KIAA1614: variants seen among roughly 807,000 people sequenced by gnomAD.
The protein encoded by KIAA1614 is KIAA1614, also known as uncharacterized protein KIAA1614.
A neutral mutation model predicts 88.7 loss-of-function variants in KIAA1614; 76 were observed. That is an observed-to-expected ratio of 0.86 (90% confidence interval 0.71 to 1.04). The LOEUF (loss-of-function observed/expected upper bound fraction) is 1.04, where lower values mean the gene tolerates loss of function less well. Ranked by LOEUF, KIAA1614 falls within the 50% of genes least tolerant of loss-of-function variation. KIAA1614 has a pLI of 0.00. For missense variants in KIAA1614, 1,553 were observed against 1,582.5 expected, an observed-to-expected ratio of 0.98 and a Z score of 0.32; for synonymous variants, 714 against 675.5, an observed-to-expected ratio of 1.06 and a Z score of -0.88.
At chr1:180,925,004 T>A (rs767557223) in intron 3 of KIAA1614, among the ~76,000 whole-genome samples, 1 of 152,128 alleles carries the variant, frequency 6.6e-6, no homozygotes, top group Admixed American at 6.6e-5. Flanking sequence ...TGAGCCCTTA[T>A]TTAGCAGATA....
At chr1:180,917,157 AG>A in intron 2 of KIAA1614, 57 bp downstream of exon 2, 1 of 1,414,454 alleles carries the variant, frequency 7.1e-7, no homozygotes, top group Non-Finnish European at 9.8e-7. Flanking sequence ...ATCCAGAGGG[AG>A]GAAAAGGGGA....
intron 4 of KIAA1614, among the ~76,000 whole-genome samples, chr1:180,934,281 G>GAAAAGA (rs1369750188): frequency 6.2e-5 from 9 of 145,274 alleles, no homozygotes; most frequent in Non-Finnish European, 1.1e-4. Context: ...GAAAAGAAAA[G>GAAAAGA]AAAAGAAAAA....
intron 4 of KIAA1614, among the ~76,000 whole-genome samples, chr1:180,929,273 T>C (rs1418066595): frequency 6.6e-6 from 1 of 152,196 alleles, no homozygotes; most frequent in Admixed American, 6.5e-5. Flanking sequence ...TGAGCTCTAA[T>C]GACTCCTTAT....
At chr1:180,920,833 C>T (rs1320717238) in intron 3 of KIAA1614, among the ~76,000 whole-genome samples, 1 of 152,126 alleles carries the variant, frequency 6.6e-6, no homozygotes, top group Non-Finnish European at 1.5e-5. Flanking sequence ...ACCCCCGGCC[C>T]CCAACCCCAG....
rs1466718176 is a variant in KIAA1614, at chr1:180,917,092, C to T, written c.989C>T (p.Ala330Val). The T allele has an allele frequency of 1.2e-6, 2 of 1,612,006 alleles. No homozygotes were observed. Among genetic ancestry groups the T allele is most frequent in the Non-Finnish European group, 8.5e-7 (1 of 1,179,142 alleles). ...TPAWTPSWDT[A>V]APERPVGDVD... ...GCCTGGACTCCATCCTGGGACACAG[C>T]TGCACCAGGTGAAGCTCACTGTGTA... Residue 330 changes from alanine to valine, a missense_variant, in exon 2 of 9, where the codon GCT becomes GTT. Transcript: ENST00000367588.
At position 180,928,454 on chromosome 1, in the gene KIAA1614, T is replaced by C. The variant is rs754308514; in HGVS notation, c.1086T>C (p.Pro362=). 3.1e-6 allele frequency: 5 copies of C among 1,613,032 alleles called. No homozygotes were observed. The highest frequency in any genetic ancestry group is 1.7e-4 in the Middle Eastern group (1 of 6,058). ...GGACCGTTGGTCCCAACCCGGAGCC[T>C]GTGCTGAGCCCCAGGCATGAGGAAG... ...QNRTVGPNPE[P]VLSPRHEEAT... Residue 362 remains proline (P), a synonymous_variant, in exon 4 of 9, where the codon CCT becomes CCC. Coordinates refer to ENST00000367588, the MANE Select transcript of KIAA1614 (RefSeq NM_020950.2).
chr1:180,920,699 G>C (rs1558064994), intron 3 of KIAA1614, among the ~76,000 whole-genome samples: 1 of 148,302 alleles, frequency 6.7e-6, no homozygotes, highest in Non-Finnish European at 1.5e-5. Flanking sequence ...CAACACAGCA[G>C]GCAGGCTGGG....
Position 180,917,059 on chromosome 1 carries a change from G to A in KIAA1614, c.956G>A (p.Gly319Glu), listed in dbSNP as rs575877296. 2.5e-6 allele frequency: 4 copies of A among 1,613,664 alleles called. No individual in the cohort carries two copies. The African/African-American group carries it at 5.3e-5, about 21-fold the overall frequency. Residue 319 changes from glycine (G) to glutamate (E), a missense_variant, in exon 2 of 9, where the codon GGA becomes GAA. Coordinates refer to ENST00000367588, the MANE Select transcript of KIAA1614 (RefSeq NM_020950.2). ...NVSGQSPRKV[G>E]TPAWTPSWDT... is the part of the protein sequence containing the mutation. ...TCTGGGCAGAGCCCCCGCAAGGTGG[G>A]AACCCCTGCCTGGACTCCATCCTGG...
rs1051068596 is a variant in KIAA1614 at position 180,948,246 on chromosome 1, C to G, written c.*2658C>G. The G allele has an allele frequency of 6.6e-6, 1 of 152,288 alleles. No individual in the cohort carries two copies. Among genetic ancestry groups the G allele is most frequent in the Non-Finnish European group, 1.5e-5 (1 of 68,074 alleles). 9.4% of individuals were successfully genotyped at this position (152,288 alleles called of 1,614,324 possible). On this transcript the variant is annotated 3_prime_UTR_variant, in exon 9 of 9. Transcript: ENST00000367588. Reference sequence around the variant, plus strand: ...CTCCAACAGCAGAGGGTCGCTTCTTCCAGGCTCCAAGGGGCTGTGAGGAGG... The same window carrying G: ...CTCCAACAGCAGAGGGTCGCTTCTTGCAGGCTCCAAGGGGCTGTGAGGAGG...
rs536254977 is a variant in KIAA1614, at chr1:180,913,682, T to G, written c.50+389T>G. On this transcript the variant is annotated intron_variant, in intron 1 of 8. Coordinates refer to ENST00000367588, the MANE Select transcript of KIAA1614 (RefSeq NM_020950.2). ...CTCTGTCGCCCAGGCTGGAGTGCAG[T>G]GGTGCGATCATGGCTCACTGCAACC... is the stretch of plus-strand genomic sequence containing the variant. 1.8e-3 allele frequency among the ~76,000 whole-genome samples: 278 copies of G among 152,276 alleles called. 1 individual carries two copies. The highest frequency in any genetic ancestry group is 6.5e-3 in the African/African-American group (271 of 41,558).
At position 180,945,793 on chromosome 1, in the gene KIAA1614, G is replaced by T; in HGVS notation, c.*205G>T. 7.4e-7 allele frequency: 1 copy of T among 1,344,956 alleles called. No individual in the cohort carries two copies. The highest frequency in any genetic ancestry group is 9.5e-7 in the Non-Finnish European group (1 of 1,057,370). 83.3% of individuals were successfully genotyped at this position (1,344,956 alleles called of 1,614,324 possible). On this transcript the variant is annotated 3_prime_UTR_variant, in exon 9 of 9. Coordinates refer to ENST00000367588, the MANE Select transcript of KIAA1614 (RefSeq NM_020950.2). ...GGTTTGACTCCACTGTCCCCCTGCTGTCTGATGACATCTTGAAATTAGAAG... is the reference window on the plus strand; with the variant it reads ...GGTTTGACTCCACTGTCCCCCTGCTTTCTGATGACATCTTGAAATTAGAAG...
At chr1:180,926,872 A>AGCGGG (rs1249371432) in intron 3 of KIAA1614, among the ~76,000 whole-genome samples, 1 of 152,216 alleles carries the variant, frequency 6.6e-6, no homozygotes, top group African/African-American at 2.4e-5. Flanking sequence ...TTCACGGGGC[A>AGCGGG]GCGGGCCTGG....
In KIAA1614 at chr1:180,919,437, G is replaced by A. The variant is rs145687705; in HGVS notation, c.1061+1523G>A. 5.1e-3 allele frequency among the ~76,000 whole-genome samples: 782 copies of A among 152,320 alleles called. 6 individuals carry two copies. The highest frequency in any genetic ancestry group is 8.1e-3 in the Non-Finnish European group (554 of 68,026). On this transcript the variant is annotated intron_variant, in intron 3 of 8. Coordinates refer to ENST00000367588, the MANE Select transcript of KIAA1614 (RefSeq NM_020950.2). ...ACAGAAAGGCCTGTGGGCCTCAGCC[G>A]GCTCTGCTCCCCTGTCTGCGCCCTG...
intron 3 of KIAA1614, among the ~76,000 whole-genome samples, chr1:180,925,441 C>T (rs932353600): frequency 1.3e-5 from 2 of 152,250 alleles, no homozygotes; most frequent in African/African-American, 4.8e-5. Flanking sequence ...TGGGAAGCGG[C>T]AGATCCCTCT....
At position 180,928,533 on chromosome 1, in the gene KIAA1614, G is replaced by A; in HGVS notation, c.1165G>A (p.Ala389Thr). Residue 389 changes from alanine to threonine, a missense_variant, in exon 4 of 9, where the codon GCC (alanine) becomes ACC (threonine). By Grantham distance (58) the Ala-to-Thr change is moderately conservative. Coordinates refer to ENST00000367588, the MANE Select transcript of KIAA1614 (RefSeq NM_020950.2). Reference sequence around the variant, plus strand: ...GAAGGCCAGGACCCGGCCCCTCCGTGCCAGCCATGACATCGTGCCCACCAT... The same window carrying A: ...GAAGGCCAGGACCCGGCCCCTCCGTACCAGCCATGACATCGTGCCCACCAT... ...RMKARTRPLR[A>T]SHDIVPTITQ... is the part of the protein sequence containing the mutation. The A allele has an allele frequency of 6.2e-7, 1 of 1,612,842 alleles. No homozygotes were observed. The highest frequency in any genetic ancestry group is 8.5e-7 in the Non-Finnish European group (1 of 1,179,876).
At chr1:180,934,168 C>T (rs539487894) in intron 4 of KIAA1614, among the ~76,000 whole-genome samples, 5 of 150,050 alleles carry the variant, frequency 3.3e-5, no homozygotes, top group Admixed American at 2.0e-4. Context: ...GCAGGAGAAT[C>T]GCTTGAACCT....
At chr1:180,918,152 C>T (rs530225878) in intron 3 of KIAA1614, among the ~76,000 whole-genome samples, 1 of 152,156 alleles carries the variant, frequency 6.6e-6, no homozygotes, top group Admixed American at 6.5e-5. Flanking sequence ...GGGAACAAAG[C>T]GCATTGCTAA....
intron 3 of KIAA1614, among the ~76,000 whole-genome samples, chr1:180,922,311 TC>T (rs1207105384): frequency 6.6e-6 from 1 of 152,176 alleles, no homozygotes. Context: ...TTGTTTATTT[TC>T]CCCTCATCGC....
intron 3 of KIAA1614, among the ~76,000 whole-genome samples, chr1:180,918,470 T>C (rs562816468): frequency 2.6e-5 from 4 of 152,130 alleles, no homozygotes; most frequent in South Asian, 2.1e-4. Flanking sequence ...AGCGGGGGAA[T>C]TGGGGCTGCC....
Sources: gnomAD v4.1 joint callset for allele counts (sites outside exome capture counted in the v4.1 genomes callset) on GRCh38, gnomAD v4.1.1 for gene constraint, MANE v1.5 for transcripts, NCBI Gene and HGNC (gene_info 2026-07-23, HGNC 2026-07-21) for gene names.